VPS72: variants seen among roughly 807,000 people sequenced by gnomAD.
VPS72 encodes the protein vacuolar protein sorting 72 homolog.
A neutral mutation model predicts 38.9 loss-of-function variants in VPS72; 27 were observed. The ratio of observed to expected loss-of-function variants is 0.69; its 90% CI spans 0.51 to 0.96. The LOEUF (loss-of-function observed/expected upper bound fraction) is 0.96, where lower values mean the gene tolerates loss of function less well. Among genes scored for constraint, VPS72 ranks in the 40% least tolerant of loss-of-function variants. The pLI, the probability that VPS72 is intolerant of heterozygous loss-of-function variation, is 0.00. For synonymous variants in VPS72, 173 were observed against 186.3 expected (o/e 0.93, Z 0.58); for missense variants, 360 against 479.5 (o/e 0.75, Z 2.33).
At chr1:151,177,077 G>C in intron 5 of VPS72, 46 bp from the exon 6 acceptor site, 30 of 1,494,996 alleles carry the variant, frequency 2.0e-5, no homozygotes, top group Non-Finnish European at 2.4e-5. Flanking sequence ...GAGGAGAGAA[G>C]ACAACAGATA....
chr1:151,189,873 C>T, intron 1 of VPS72, 132 bp downstream of exon 1: 3 of 1,068,628 alleles, frequency 2.8e-6, no homozygotes, highest in South Asian at 1.5e-5. Flanking sequence ...GGCTCCGATT[C>T]ACCCACCCAA....
chr1:151,178,697 A>G (rs1684171307), intron 4 of VPS72, among the ~76,000 whole-genome samples: 1 of 152,130 alleles, frequency 6.6e-6, no homozygotes, highest in Non-Finnish European at 1.5e-5. Flanking sequence ...CTCTTAAACA[A>G]CAAGAAAATC....
intron 1 of VPS72, among the ~76,000 whole-genome samples, chr1:151,189,705 C>T (rs1684422126): frequency 6.6e-5 from 10 of 152,138 alleles, no homozygotes; most frequent in Admixed American, 6.5e-4. Context: ...GTCAGAAGTA[C>T]AGTGAAAGAT....
Position 151,178,153 on chromosome 1 carries a change from G to A in VPS72, c.563-8C>T, listed in dbSNP as rs745792329. ...CGAGCCGCTCATATGTCTCTTTAGG[G>A]TCAAAGGAAGAAATGAGGGGATGAT... On this transcript the variant is annotated splice_region_variant and splice_polypyrimidine_tract_variant and intron_variant, in intron 4 of 5. Coordinates refer to ENST00000368892, the MANE Select transcript of VPS72 (RefSeq NM_005997.3). The A allele has an allele frequency of 8.7e-6, 14 of 1,612,752 alleles. No homozygotes were observed. The highest frequency in any genetic ancestry group is 1.3e-5 in the African/African-American group (1 of 74,856).
Position 151,184,406 on chromosome 1 carries a change from C to T in VPS72, c.473G>A (p.Arg158Gln), listed in dbSNP as rs1684303889. ...VQERQGQSRRRKGPHCERPLT... is the reference protein window; with the variant it reads ...VQERQGQSRRQKGPHCERPLT... ...TGGCCGCTCACAGTGGGGCCCCTTT[C>T]GCCGTCTTGACTGGCCCTGCCTCTC... The change falls in exon 4 of 6, where the codon CGA (arginine) becomes CAA (glutamine). Residue 158 changes from arginine (R) to glutamine (Q), a missense_variant. By Grantham distance (43) the Arg-to-Gln change is conservative. Around this residue, in one of 2 missense-constraint regions of VPS72, gnomAD observed 294 missense variants for 356.3 expected, o/e 0.83. Transcript: ENST00000368892. 6 of 1,614,054 alleles carry T rather than the reference C, an allele frequency of 3.7e-6. No homozygotes were observed. The highest frequency in any genetic ancestry group is 1.1e-5 in the South Asian group (1 of 91,074).
chr1:151,185,752 G>A (rs373691223), intron 2 of VPS72, 46 bp downstream of exon 2: 34 of 1,612,054 alleles, frequency 2.1e-5, no homozygotes, highest in Non-Finnish European at 2.6e-5. Flanking sequence ...ATGAAAGAGA[G>A]AATAGGAATT....
Position 151,185,836 on chromosome 1 carries a change from G to GCT in VPS72, c.230_231dup (p.Pro78SerfsTer8). Reference sequence around the variant, plus strand: ...GTGACTACTCGGCGCTTCCTTCTTGGCTCTTCTGCTTCTCCATCACTGGAT... The same window carrying GCT: ...GTGACTACTCGGCGCTTCCTTCTTGGCTCTCTTCTGCTTCTCCATCACTGGAT... On this transcript the variant is annotated frameshift_variant, in exon 2 of 6. Coordinates refer to ENST00000368892, the MANE Select transcript of VPS72 (RefSeq NM_005997.3). LOFTEE classifies it high-confidence loss of function. 6.2e-7 allele frequency: 1 copy of GCT among 1,614,102 alleles called. No homozygotes were observed. The highest frequency in any genetic ancestry group is 2.2e-5 in the East Asian group (1 of 44,878).
At chr1:151,187,193 C>T (rs1258081427) in intron 1 of VPS72, among the ~76,000 whole-genome samples, 1 of 152,054 alleles carries the variant, frequency 6.6e-6, no homozygotes, top group East Asian at 1.9e-4. Context: ...GCTAGAATGG[C>T]AGCCATATTA....
chr1:151,185,801 A>T lies in VPS72; in HGVS notation c.267T>A (p.Tyr89Ter). The change falls in exon 2 of 6, where the codon TAT becomes TAA. Residue 89 changes from tyrosine (Y) to a stop codon, truncating the protein, a stop_gained. Coordinates refer to ENST00000368892, the MANE Select transcript of VPS72 (RefSeq NM_005997.3). LOFTEE classifies it high-confidence loss of function. ...ACAACTAGGACTCCCCCTGTACCTT[A>T]TAGGCCTTGGTGACTACTCGGCGCT... ...RRKRRVVTKA[Y>*]KEPLKSLRPR... 1 of 1,614,176 alleles carries T rather than the reference A, an allele frequency of 6.2e-7. No homozygotes were observed. The highest frequency in any genetic ancestry group is 8.5e-7 in the Non-Finnish European group (1 of 1,180,026).
At position 151,190,196 on chromosome 1, in the gene VPS72, C is replaced by T; in HGVS notation, c.-75G>A. 6.5e-7 allele frequency: 1 copy of T among 1,533,478 alleles called. No homozygotes were observed. The highest frequency in any genetic ancestry group is 8.9e-7 in the Non-Finnish European group (1 of 1,118,410). 95.0% of individuals were successfully genotyped at this position (1,533,478 alleles called of 1,614,324 possible). On this transcript the variant is annotated 5_prime_UTR_variant, in exon 1 of 6. In the 5' UTR this introduces an upstream ATG that the reference lacks. Transcript: ENST00000368892. ...TTTGGGAGCTCGACGCTCGACATCA[C>T]TACCTGCGGGTGGCCACCAGCGGCG...
chr1:151,181,190 G>A (rs909127297), intron 4 of VPS72, among the ~76,000 whole-genome samples: 1 of 151,450 alleles, frequency 6.6e-6, no homozygotes, highest in Non-Finnish European at 1.5e-5. Flanking sequence ...CTTCAACACT[G>A]CATGGCCACA....
chr1:151,178,203 C>T, intron 4 of VPS72, 58 bp from the exon 5 acceptor site: 1 of 1,561,472 alleles, frequency 6.4e-7, no homozygotes, highest in Non-Finnish European at 8.7e-7. Flanking sequence ...TTCCCATATC[C>T]CAGTACTGTC....
chr1:151,183,432 A>C (rs1237798471), intron 4 of VPS72, among the ~76,000 whole-genome samples: 17 of 150,036 alleles, frequency 1.1e-4, no homozygotes, highest in Admixed American at 2.0e-4. Context: ...AAAAAAAAAA[A>C]AAAAAAAAAA....
intron 4 of VPS72, among the ~76,000 whole-genome samples, chr1:151,181,324 G>A (rs766458526): frequency 1.4e-4 from 21 of 147,520 alleles, no homozygotes; most frequent in East Asian, 6.0e-4. Flanking sequence ...TGCAACCTCC[G>A]CCTCCCGGGT....
At chr1:151,189,772 C>G (rs1684424191) in intron 1 of VPS72, among the ~76,000 whole-genome samples, 1 of 152,050 alleles carries the variant, frequency 6.6e-6, no homozygotes. Flanking sequence ...GGAGTGCCTC[C>G]GGAGAGCTTC....
At chr1:151,187,705 T>G (rs1684380651) in intron 1 of VPS72, among the ~76,000 whole-genome samples, 1 of 152,230 alleles carries the variant, frequency 6.6e-6, no homozygotes, top group South Asian at 2.1e-4. Context: ...AAAAAGTTTG[T>G]GTCTCTTGAA....
At position 151,176,893 on chromosome 1, in the gene VPS72, C is replaced by A. The variant is rs1285574946; in HGVS notation, c.846G>T (p.Arg282=). 1 of 1,614,034 alleles carries A rather than the reference C, an allele frequency of 6.2e-7. No individual in the cohort carries two copies. The highest frequency in any genetic ancestry group is 8.5e-7 in the Non-Finnish European group (1 of 1,180,008). ...ATFEEWFPQG[R]PPKVPVREVC... is the part of the protein sequence containing the mutation. ...CCTCACGAACAGGGACTTTTGGGGG[C>A]CGCCCTTGGGGGAACCATTCCTCGA... Residue 282 remains arginine, a synonymous_variant, in exon 6 of 6, where the codon CGG becomes CGT. Transcript: ENST00000368892.
intron 1 of VPS72, among the ~76,000 whole-genome samples, chr1:151,187,063 A>G (rs1045295979): frequency 2.0e-5 from 3 of 152,140 alleles, no homozygotes; most frequent in African/African-American, 7.2e-5. Context: ...AGGGCCACTG[A>G]AGATTTAGGG....
At chr1:151,177,193 T>C (rs188366606) in intron 5 of VPS72, 162 bp from the exon 6 acceptor site, 1 of 683,666 alleles carries the variant, frequency 1.5e-6, no homozygotes, top group African/African-American at 1.8e-5. Flanking sequence ...GAGACCAGCC[T>C]GACTAACAAG....
Sources: gnomAD v4.1 joint callset for allele counts (sites outside exome capture counted in the v4.1 genomes callset) on GRCh38, gnomAD v4.1.1 for gene constraint, gnomAD v4.1.1 regional missense constraint, MANE v1.5 for transcripts, NCBI Gene and HGNC (gene_info 2026-07-23, HGNC 2026-07-21) for gene names.